Variants in MCM9 observed in about 807,000 individuals in gnomAD.
The protein encoded by MCM9 is DNA helicase MCM9.
In MCM9, 55 loss-of-function variants were observed where a neutral mutation model predicts 72.8. The ratio of observed to expected loss-of-function variants is 0.76; its 90% CI spans 0.61 to 0.95. The LOEUF (loss-of-function observed/expected upper bound fraction) is 0.95, where lower values mean the gene tolerates loss of function less well. Among genes scored for constraint, MCM9 ranks in the 40% least tolerant of loss-of-function variants. MCM9 has a pLI of 0.00. For missense variants in MCM9, 1,279 were observed against 1,377.0 expected (o/e 0.93, Z 1.13); for synonymous variants, 480 against 503.4 (o/e 0.95, Z 0.62).
At chr6:118,843,714 A>ATATG (rs1351326968) in intron 9 of MCM9, among the ~76,000 whole-genome samples, 4 of 80,932 alleles carry the variant, frequency 4.9e-5, no homozygotes, top group Non-Finnish European at 9.5e-5. Flanking sequence ...GTATGTATAT[A>ATATG]TATATGTATA....
intron 8 of MCM9, among the ~76,000 whole-genome samples, chr6:118,862,438 C>T (rs1228958995): frequency 6.6e-6 from 1 of 152,226 alleles, no homozygotes; most frequent in Non-Finnish European, 1.5e-5. Flanking sequence ...ACAACTCACC[C>T]TAATGTAGAA....
intron 8 of MCM9, chr6:118,909,306 C>T (rs989681967): frequency 3.3e-5 from 5 of 152,288 alleles, no homozygotes; most frequent in Middle Eastern, 3.4e-3. Context: ...TTTGTAGTGA[C>T]ATCAAAGGGT....
At chr6:118,828,461 C>T (rs1774315738) in intron 10 of MCM9, among the ~76,000 whole-genome samples, 1 of 152,024 alleles carries the variant, frequency 6.6e-6, no homozygotes, top group Non-Finnish European at 1.5e-5. Flanking sequence ...TCTCTGTTCA[C>T]TGCAACCTCT....
intron 8 of MCM9, among the ~76,000 whole-genome samples, chr6:118,874,064 G>A (rs1381772105): frequency 6.6e-6 from 1 of 152,100 alleles, no homozygotes; most frequent in East Asian, 1.9e-4. Flanking sequence ...AGACCAGCCT[G>A]GGCAACATGG....
chr6:118,877,708 AGATTGTGACCATCTGCACCAG>A lies in MCM9; in HGVS notation c.1151-21184_1151-21164del, dbSNP rs546955683. On this transcript the variant is annotated intron_variant, in intron 8 of 13. Transcript: ENST00000619706. ...TCACTGCTAAGTCTGTTCCATACAG[AGATTGTGACCATCTGCACCAG>A]GAGGGAGATAGGTAAAAGAGGGCTC... Among the ~76,000 whole-genome samples, 8 of 152,344 alleles carry A rather than the reference AGATTGTGACCATCTGCACCAG, an allele frequency of 5.3e-5. No homozygotes were observed. The East Asian group carries it at 1.3e-3, about 26-fold the overall frequency.
intron 6 of MCM9, among the ~76,000 whole-genome samples, chr6:118,915,373 C>T (rs1039089688): frequency 6.6e-6 from 1 of 152,292 alleles, no homozygotes; most frequent in African/African-American, 2.4e-5. Context: ...ATGAAGAGAA[C>T]TTAGTAGGCC....
At position 118,828,934 on chromosome 6, in the gene MCM9, G is replaced by T. The variant is rs973329511; in HGVS notation, c.1528+114C>A. The T allele has an allele frequency of 1.2e-5, 13 of 1,057,738 alleles. No individual in the cohort carries two copies. The African/African-American group carries it at 1.4e-4, about 12-fold the overall frequency. 65.5% of individuals were successfully genotyped at this position (1,057,738 alleles called of 1,614,324 possible). A position where few individuals can be genotyped will look rare whatever the true frequency, so the allele number is the denominator to read the frequency against. On this transcript the variant is annotated intron_variant, in intron 10 of 13. Transcript: ENST00000619706. ...CTTTCTGTCTAAGCTTTTCTCTATTGCCTGGTACTACATAGCCTATCTTGG... is the reference window on the plus strand; with the variant it reads ...CTTTCTGTCTAAGCTTTTCTCTATTTCCTGGTACTACATAGCCTATCTTGG...
At chr6:118,900,968 C>A in intron 8 of MCM9, 1 of 969,554 alleles carries the variant, frequency 1.0e-6, no homozygotes, top group Non-Finnish European at 1.6e-6. Flanking sequence ...TATCCCTTTC[C>A]TTTTGGGTTA....
chr6:118,854,180 T>C (rs1451212948), intron 9 of MCM9, among the ~76,000 whole-genome samples: 3 of 152,210 alleles, frequency 2.0e-5, no homozygotes, highest in Non-Finnish European at 4.4e-5. Flanking sequence ...CAAGCAGTTT[T>C]GACTTCTTCC....
chr6:118,852,059 C>T (rs1776261215), intron 9 of MCM9, among the ~76,000 whole-genome samples: 1 of 152,216 alleles, frequency 6.6e-6, no homozygotes, highest in Non-Finnish European at 1.5e-5. Context: ...CTACTATACA[C>T]CTAGGCTATA....
intron 8 of MCM9, among the ~76,000 whole-genome samples, chr6:118,883,767 G>A (rs893615181): frequency 5.3e-5 from 8 of 151,786 alleles, no homozygotes; most frequent in Non-Finnish European, 1.0e-4. Context: ...GAAAAATAAA[G>A]ACATTCCCAG....
At chr6:118,879,496 T>A (rs552625537) in intron 8 of MCM9, among the ~76,000 whole-genome samples, 40 of 152,314 alleles carry the variant, frequency 2.6e-4, no homozygotes, top group African/African-American at 9.1e-4. Context: ...AGAGGATCTA[T>A]GCACAAAATG....
intron 8 of MCM9, among the ~76,000 whole-genome samples, chr6:118,861,355 T>C (rs1055635285): frequency 1.3e-5 from 2 of 152,202 alleles, no homozygotes; most frequent in Non-Finnish European, 2.9e-5. Flanking sequence ...CTGCAGCTCT[T>C]CACTCCTTCT....
chr6:118,876,170 C>T (rs1452057413), intron 8 of MCM9, among the ~76,000 whole-genome samples: 6 of 152,012 alleles, frequency 3.9e-5, no homozygotes, highest in East Asian at 1.9e-4. Context: ...ATTACATTCT[C>T]GAAAAAGTAA....
At chr6:118,930,364 G>A (rs12234134) in intron 3 of MCM9, among the ~76,000 whole-genome samples, 1 of 152,068 alleles carries the variant, frequency 6.6e-6, no homozygotes, top group Non-Finnish European at 1.5e-5. Flanking sequence ...TGCCCGCCTT[G>A]GCCTCCCAAA....
In MCM9 at chr6:118,846,238, A is replaced by C. The variant is rs542327017; in HGVS notation, c.1325+10133T>G. ...ACAAAGCAAGCAAATAAACCCATAAAACAAAACTCATCAAACTAAAAACTA... is the reference window on the plus strand; with the variant it reads ...ACAAAGCAAGCAAATAAACCCATAACACAAAACTCATCAAACTAAAAACTA... On this transcript the variant is annotated intron_variant, in intron 9 of 13. Transcript: ENST00000619706. Among the ~76,000 whole-genome samples, 49 of 152,014 alleles carry C rather than the reference A, an allele frequency of 3.2e-4. 2 individuals carry two copies. Among genetic ancestry groups the C allele is most frequent in the African/African-American group, 1.2e-3 (48 of 41,292 alleles).
At chr6:118,911,182 T>C in intron 8 of MCM9, 1 of 985,470 alleles carries the variant, frequency 1.0e-6, no homozygotes, top group Non-Finnish European at 1.2e-6. Flanking sequence ...ATTGCAATGA[T>C]GGAAGTATAT....
At chr6:118,917,815 G>T in intron 5 of MCM9, 54 bp from the exon 6 acceptor site, 1 of 1,448,400 alleles carries the variant, frequency 6.9e-7, no homozygotes, top group Non-Finnish European at 9.7e-7. Context: ...GCTGAGCACA[G>T]ACTCAAAATG....
At chr6:118,884,277 T>C (rs1164595506) in intron 8 of MCM9, among the ~76,000 whole-genome samples, 3 of 152,144 alleles carry the variant, frequency 2.0e-5, no homozygotes, top group Non-Finnish European at 4.4e-5. Flanking sequence ...ACAGATGAAA[T>C]ATGTGTAACA....
Sources: gnomAD v4.1 joint callset for allele counts (sites outside exome capture counted in the v4.1 genomes callset) on GRCh38, gnomAD v4.1.1 for gene constraint, MANE v1.5 for transcripts, NCBI Gene and HGNC (gene_info 2026-07-23, HGNC 2026-07-21) for gene names.